DNASE1: variants seen among roughly 807,000 people sequenced by gnomAD.
The protein encoded by DNASE1 is deoxyribonuclease-1.
In DNASE1, 40 loss-of-function variants were observed where a neutral mutation model predicts 33.9. That is an observed-to-expected ratio of 1.18 (90% CI 0.92 to 1.54). The LOEUF is 1.54. Ranked by LOEUF, DNASE1 falls within the 40% of genes most tolerant of loss-of-function variation. The probability of loss-of-function intolerance (pLI) is 0.00; values close to 1 mark genes in which losing one functional copy is unlikely to be tolerated. For synonymous variants in DNASE1, 216 were observed against 160.0 expected (o/e 1.35, Z -2.64); for missense variants, 518 against 372.6 (o/e 1.39, Z -3.21).
upstream of DNASE1, chr16:3,651,478 G>C (rs1281423432): frequency 6.6e-6 from 1 of 152,246 alleles, no homozygotes; most frequent in Non-Finnish European, 1.5e-5. Context: ...TCCTTCTTGG[G>C]CATTCCCCAG....
chr16:3,622,695 C>T (rs906588524), intron 1 of DNASE1, among the ~76,000 whole-genome samples: 2 of 152,072 alleles, frequency 1.3e-5, no homozygotes, highest in African/African-American at 4.8e-5. Flanking sequence ...CAAGTGATCC[C>T]CCTACTTCAG....
At chr16:3,645,368 C>T (rs2042142227) in intron 1 of DNASE1, among the ~76,000 whole-genome samples, 1 of 152,226 alleles carries the variant, frequency 6.6e-6, no homozygotes, top group African/African-American at 2.4e-5. Context: ...TTGTTGGAAA[C>T]ATCAGCACAC....
chr16:3,620,487 T>G (rs1321696495), intron 1 of DNASE1, among the ~76,000 whole-genome samples: 1 of 151,106 alleles, frequency 6.6e-6, no homozygotes, highest in African/African-American at 2.4e-5. Flanking sequence ...CCACTCTACT[T>G]TAGCCTGGGT....
At chr16:3,637,123 C>CAAAAAAA (rs55645773) in intron 1 of DNASE1, among the ~76,000 whole-genome samples, 7,287 of 143,810 alleles carry the variant, frequency 0.051, 219 homozygotes, top group Non-Finnish European at 0.068. Context: ...GACTCCATCT[C>CAAAAAAA]AAAAAAAAAA....
intron 1 of DNASE1, among the ~76,000 whole-genome samples, chr16:3,649,192 G>C (rs1174637981): frequency 2.0e-5 from 3 of 152,184 alleles, no homozygotes; most frequent in African/African-American, 7.2e-5. Context: ...ACTACATCAG[G>C]GCTGAGATTA....
chr16:3,618,505 G>A (rs919564623), intron 1 of DNASE1, among the ~76,000 whole-genome samples: 1 of 152,188 alleles, frequency 6.6e-6, no homozygotes, highest in East Asian at 1.9e-4. Context: ...CAAGGCGGGC[G>A]GATTACCTCT....
chr16:3,629,609 T>C (rs2151175074), intron 1 of DNASE1, among the ~76,000 whole-genome samples: 1 of 152,298 alleles, frequency 6.6e-6, no homozygotes, highest in East Asian at 1.9e-4. Flanking sequence ...TTAGGAAGTA[T>C]TTCTTACTCT....
chr16:3,643,574 G>C (rs1259769046), intron 1 of DNASE1, among the ~76,000 whole-genome samples: 1 of 152,158 alleles, frequency 6.6e-6, no homozygotes, highest in East Asian at 1.9e-4. Flanking sequence ...CCTGTCGGGG[G>C]ACATGTCCAG....
chr16:3,662,409 C>G, downstream of DNASE1: 3 of 569,054 alleles, frequency 5.3e-6, no homozygotes, highest in South Asian at 6.2e-5. Context: ...TGCTCCATGC[C>G]AGCCCACCCT....
At chr16:3,656,845 G>A in intron 5 of DNASE1, 92 bp downstream of exon 5, 2 of 1,541,358 alleles carry the variant, frequency 1.3e-6, no homozygotes, top group Non-Finnish European at 8.8e-7. Flanking sequence ...GTCACACACT[G>A]CCCTCCCAGT....
chr16:3,657,604 G>T, intron 7 of DNASE1, 116 bp from the exon 8 acceptor site: 1 of 1,427,684 alleles, frequency 7.0e-7, no homozygotes. Context: ...GTGCAGTTTT[G>T]GGCACCCACA....
chr16:3,628,618 C>A (rs192115383), intron 1 of DNASE1, among the ~76,000 whole-genome samples: 5 of 150,792 alleles, frequency 3.3e-5, no homozygotes, highest in Non-Finnish European at 7.4e-5. Context: ...AGTGCAGTGG[C>A]GCAATCTCGG....
chr16:3,625,365 T>A (rs1214962507), intron 1 of DNASE1, among the ~76,000 whole-genome samples: 1 of 151,750 alleles, frequency 6.6e-6, no homozygotes, highest in Non-Finnish European at 1.5e-5. Context: ...ATTCTTGTAG[T>A]CTCTGAAACT....
chr16:3,612,684 C>T (rs1428159744), intron 1 of DNASE1, among the ~76,000 whole-genome samples: 1 of 151,528 alleles, frequency 6.6e-6, no homozygotes, highest in Non-Finnish European at 1.5e-5. Flanking sequence ...GCTGAGATTA[C>T]AGGCGTGAGC....
chr16:3,661,936 C>A (rs1422808727), downstream of DNASE1: 1 of 1,535,332 alleles, frequency 6.5e-7, no homozygotes, highest in Admixed American at 2.0e-5. Context: ...ACACCACACA[C>A]AGGATTCTGG....
At chr16:3,636,111 G>A (rs1197969997) in intron 1 of DNASE1, among the ~76,000 whole-genome samples, 2 of 151,220 alleles carry the variant, frequency 1.3e-5, no homozygotes, top group Non-Finnish European at 2.9e-5. Context: ...TGGATATTCT[G>A]TTCCATCTTG....
At chr16:3,630,418 G>A (rs2041661625) in intron 1 of DNASE1, among the ~76,000 whole-genome samples, 1 of 152,086 alleles carries the variant, frequency 6.6e-6, no homozygotes, top group Non-Finnish European at 1.5e-5. Flanking sequence ...CCAAAGCTCA[G>A]ACATCTGCCC....
chr16:3,639,296 A>G (rs2041964063), upstream of DNASE1, among the ~76,000 whole-genome samples: 1 of 152,154 alleles, frequency 6.6e-6, no homozygotes, highest in African/African-American at 2.4e-5. Flanking sequence ...CTGTGACATG[A>G]GCTGGTATGT....
At chr16:3,658,300 A>AGAGTC (rs1491191043), downstream of DNASE1, 4 of 1,251,820 alleles carry the variant, frequency 3.2e-6, no homozygotes, top group Non-Finnish European at 4.6e-6. Flanking sequence ...TTTTTGAGAC[A>AGAGTC]GAGTCTCACT....
Sources: allele counts gnomAD v4.1 joint callset (sites outside exome capture counted in the v4.1 genomes callset), GRCh38; gene constraint gnomAD v4.1.1; transcripts MANE v1.5; gene names NCBI Gene and HGNC (gene_info 2026-07-23, HGNC 2026-07-21).